The following MDN1 variants were observed in gnomAD, a reference collection of about 807,000 sequenced individuals.
MDN1 encodes midasin AAA ATPase 1.
In MDN1, 266 loss-of-function variants were observed where a neutral mutation model predicts 669.2. The observed-to-expected ratio is 0.40, with a 90% CI of 0.36 to 0.44. The LOEUF is 0.44. Ranked by LOEUF, MDN1 falls within the 20% of genes least tolerant of loss-of-function variation. The pLI is 1.00. For missense variants in MDN1, 5,940 were observed against 6,754.0 expected, an observed-to-expected ratio of 0.88 and a Z score of 4.22; for synonymous variants, 2,385 against 2,457.1, an observed-to-expected ratio of 0.97 and a Z score of 0.87.
intron 31 of MDN1, among the ~76,000 whole-genome samples, chr6:89,742,648 G>GA (rs1301002021): frequency 6.6e-6 from 1 of 152,042 alleles, no homozygotes; most frequent in Non-Finnish European, 1.5e-5. Flanking sequence ...TACCTCAAAA[G>GA]AAAAAATGGG....
At chr6:89,711,209 A>G (rs913586741) in intron 49 of MDN1, among the ~76,000 whole-genome samples, 1 of 152,302 alleles carries the variant, frequency 6.6e-6, no homozygotes, top group Middle Eastern at 3.4e-3. Flanking sequence ...CAATTCAAGC[A>G]ATGTTGTTAT....
intron 101 of MDN1, 130 bp downstream of exon 101, chr6:89,644,885 C>A: frequency 1.0e-6 from 1 of 1,004,720 alleles, no homozygotes; most frequent in South Asian, 2.1e-5. Flanking sequence ...TACAATGGTA[C>A]TTGACAGAAT....
rs759393935 is a variant in MDN1, at chr6:89,662,852, C to A, written c.14352G>T (p.Glu4784Asp). 8.7e-6 allele frequency: 14 copies of A among 1,610,164 alleles called. No homozygotes were observed. The East Asian group carries it at 8.9e-5, about 10-fold the overall frequency. The stretch of plus-strand genomic sequence containing the variant: ...TGTCTTCTTCCTCCTCATCTTCCTC[C>A]TCATCATCATCACCCCAAAGCCTCT... Reference protein sequence around the residue: ...LDERLWGDDDEEEDEEEEDNK... With the variant: ...LDERLWGDDDDEEDEEEEDNK... Residue 4784 changes from glutamate (E) to aspartate (D), a missense_variant, in exon 86 of 102, where the codon GAG becomes GAT. Coordinates refer to ENST00000369393, the MANE Select transcript of MDN1 (RefSeq NM_014611.3).
chr6:89,808,259 G>A (rs1028458422), intron 1 of MDN1, among the ~76,000 whole-genome samples: 11 of 151,770 alleles, frequency 7.2e-5, no homozygotes, highest in African/African-American at 1.9e-4. Flanking sequence ...TTTTTTAATC[G>A]GATGCTGAAC....
chr6:89,768,684 C>A (rs1025385957), intron 15 of MDN1, among the ~76,000 whole-genome samples: 5 of 152,098 alleles, frequency 3.3e-5, no homozygotes, highest in African/African-American at 1.2e-4. Context: ...CTGCAGCAAA[C>A]TATGAGGGCA....
intron 13 of MDN1, among the ~76,000 whole-genome samples, chr6:89,774,339 C>T (rs149456911): frequency 9.8e-5 from 15 of 152,352 alleles, no homozygotes; most frequent in African/African-American, 3.4e-4. Flanking sequence ...ATAAGCCTGA[C>T]TTCCAACTGA....
intron 25 of MDN1, 47 bp downstream of exon 25, chr6:89,749,496 T>C (rs1011097179): frequency 2.9e-5 from 46 of 1,600,970 alleles, no homozygotes; most frequent in Admixed American, 5.1e-5. Context: ...AAAAATCTAC[T>C]ATCTGATGTG....
At position 89,674,334 on chromosome 6, in the gene MDN1, AAG is replaced by A. The variant is rs780506241; in HGVS notation, c.13015_13016del (p.Leu4339Ter). 2 of 1,614,132 alleles carry A rather than the reference AAG, an allele frequency of 1.2e-6. No homozygotes were observed. Among genetic ancestry groups the A allele is most frequent in the Non-Finnish European group, 1.7e-6 (2 of 1,180,050 alleles). ...PPGPCLEGPE[L>X]SKGQLCGVVL... is the part of the protein sequence containing the mutation. ...CTACTCCACAAAGTTGTCCCTTGCTAAGTTCTGGTCCTTCCAGGCAGGGGCCA... is the reference window on the plus strand; with the variant it reads ...CTACTCCACAAAGTTGTCCCTTGCTATTCTGGTCCTTCCAGGCAGGGGCCA... On this transcript the variant is annotated frameshift_variant, in exon 79 of 102. Transcript: ENST00000369393. LOFTEE classifies it high-confidence loss of function.
rs1446910772 is a variant in MDN1, at chr6:89,715,668, G to T, written c.6845C>A (p.Pro2282Gln). 8 of 1,603,494 alleles carry T rather than the reference G, an allele frequency of 5.0e-6. No homozygotes were observed. Among genetic ancestry groups the T allele is most frequent in the Non-Finnish European group, 6.8e-6 (8 of 1,170,372 alleles). Residue 2282 changes from proline (P) to glutamine (Q), a missense_variant, in exon 45 of 102, where the codon CCA becomes CAA. Coordinates refer to ENST00000369393, the MANE Select transcript of MDN1 (RefSeq NM_014611.3). ...ATACAAATACCTGAAATTGGGATTT[G>T]GTGTTATCGTGGGAGTGGATCCATC... ...MIDGSTPTITPNPNFRLFLSM... is the reference protein window; with the variant it reads ...MIDGSTPTITQNPNFRLFLSM...
chr6:89,698,765 T>C (rs1210977638), intron 59 of MDN1, 100 bp downstream of exon 59: 3 of 1,172,744 alleles, frequency 2.6e-6, no homozygotes, highest in Non-Finnish European at 3.7e-6. Context: ...ATCACCTGTT[T>C]AGTCACCACT....
intron 27 of MDN1, among the ~76,000 whole-genome samples, chr6:89,746,611 A>AAAAAAAAGAAAGAAAGAAAGAAAG (rs1554191094): frequency 2.5e-5 from 1 of 40,532 alleles, no homozygotes; most frequent in African/African-American, 9.1e-5. Context: ...AAAAAAAAAA[A>AAAAAAAAGAAAGAAAGAAAGAAAG]AAAGAAAGAA....
chr6:89,682,715 A>AAAAAAAAAAC (rs1811715638), intron 73 of MDN1, among the ~76,000 whole-genome samples: 1 of 77,484 alleles, frequency 1.3e-5, no homozygotes, highest in South Asian at 3.5e-4. Flanking sequence ...AAAAAAAAAA[A>AAAAAAAAAAC]AAAAAAAAAA....
chr6:89,699,690 T>A lies in MDN1; in HGVS notation c.8908A>T (p.Ile2970Leu). 3.1e-6 allele frequency: 5 copies of A among 1,614,028 alleles called. No homozygotes were observed. Among genetic ancestry groups the A allele is most frequent in the Non-Finnish European group, 4.2e-6 (5 of 1,179,982 alleles). Reference protein sequence around the residue: ...KNQQPQINEEISHLISFCLYH... With the variant: ...KNQQPQINEELSHLISFCLYH... ...AGACAAAATGAGATGAGGTGACTTA[T>A]CTCCTCATTTATCTGGGGTTGTTGA... The change falls in exon 58 of 102, where the codon ATA (isoleucine) becomes TTA (leucine). Residue 2970 changes from isoleucine (I) to leucine (L), a missense_variant. Coordinates refer to ENST00000369393, the MANE Select transcript of MDN1 (RefSeq NM_014611.3).
Position 89,809,215 on chromosome 6 carries a change from C to CAAA in MDN1, c.103-5664_103-5662dup, listed in dbSNP as rs1167270500. On this transcript the variant is annotated intron_variant, in intron 1 of 101. Coordinates refer to ENST00000369393, the MANE Select transcript of MDN1 (RefSeq NM_014611.3). The stretch of plus-strand genomic sequence containing the variant: ...CTGGGTGACAGGTGAGACACTGTCT[C>CAAA]AAAAAAAAAAAAAAAAAAAAAAAAG... Among the ~76,000 whole-genome samples the CAAA allele has an allele frequency of 9.4e-3, 542 of 57,614 alleles. 1 individual carries two copies. The highest frequency in any genetic ancestry group is 0.012 in the Non-Finnish European group (361 of 31,138). 37.8% of individuals were successfully genotyped at this position (57,614 alleles called of 152,430 possible).
At chr6:89,783,648 C>T (rs1023820278) in intron 9 of MDN1, among the ~76,000 whole-genome samples, 1 of 152,136 alleles carries the variant, frequency 6.6e-6, no homozygotes, top group East Asian at 1.9e-4. Flanking sequence ...TGTTCTTACA[C>T]CCCCTCCCCT....
chr6:89,688,654 C>T lies in MDN1; in HGVS notation c.11178G>A (p.Gln3726=), dbSNP rs1295777205. 1.9e-6 allele frequency: 3 copies of T among 1,614,056 alleles called. No homozygotes were observed. The highest frequency in any genetic ancestry group is 1.6e-4 in the Middle Eastern group (1 of 6,084). ...YQHPNVPEAR[Q]CQPVLQGFSE... is the part of the protein sequence containing the mutation. ...AGAAACCTTGAAGCACAGGTTGACA[C>T]TGCCGTGCTTCTGGAACATTGGGAT... is the stretch of plus-strand genomic sequence containing the variant. The change falls in exon 66 of 102, where the codon CAG becomes CAA. Residue 3726 remains glutamine, a synonymous_variant. Transcript: ENST00000369393.
chr6:89,696,824 G>A (rs779163042), intron 59 of MDN1, among the ~76,000 whole-genome samples: 22 of 152,278 alleles, frequency 1.4e-4, no homozygotes, highest in Middle Eastern at 6.8e-3. Context: ...GGGAATCAGA[G>A]AGCACATTCT....
intron 1 of MDN1, among the ~76,000 whole-genome samples, chr6:89,818,684 C>G (rs1413908179): frequency 6.6e-6 from 1 of 151,976 alleles, no homozygotes; most frequent in East Asian, 1.9e-4. Context: ...GTGGCGCTCG[C>G]CTGTAATCCC....
At position 89,781,483 on chromosome 6, in the gene MDN1, C is replaced by A; in HGVS notation, c.1559G>T (p.Gly520Val). ...AACTTCTTCAGGTGCCTGTTCACAT[C>A]CAACAGAACTATCACTCCAAGAGTG... ...KHHSWSDSSV[G>V]CEQAPEEVSE... The change falls in exon 10 of 102, where the codon GGA (glycine) becomes GTA (valine). Residue 520 changes from glycine (G) to valine (V), a missense_variant. Physicochemically the swap from Gly to Val is moderately radical, Grantham distance 109. Coordinates refer to ENST00000369393, the MANE Select transcript of MDN1 (RefSeq NM_014611.3). 3.1e-6 allele frequency: 5 copies of A among 1,614,084 alleles called. No homozygotes were observed. The highest frequency in any genetic ancestry group is 4.2e-6 in the Non-Finnish European group (5 of 1,179,978).
Sources: gnomAD v4.1 joint callset for allele counts (sites outside exome capture counted in the v4.1 genomes callset) on GRCh38, gnomAD v4.1.1 for gene constraint, MANE v1.5 for transcripts, NCBI Gene and HGNC (gene_info 2026-07-23, HGNC 2026-07-21) for gene names.